ARID4B: variants seen among roughly 807,000 people sequenced by gnomAD.
ARID4B encodes the protein AT-rich interaction domain 4B, also known as AT-rich interactive domain-containing protein 4B.
Under a neutral mutation model 147.5 loss-of-function variants are expected in ARID4B, and 26 were observed. The ratio of observed to expected loss-of-function variants is 0.18; its 90% CI spans 0.13 to 0.24. The LOEUF (loss-of-function observed/expected upper bound fraction) is 0.24, where lower values mean the gene tolerates loss of function less well. ARID4B is among the 10% of genes least tolerant of loss of function. The probability of loss-of-function intolerance (pLI) is 1.00; values close to 1 mark genes in which losing one functional copy is unlikely to be tolerated. For missense variants in ARID4B, 1,179 were observed against 1,511.5 expected (o/e 0.78, Z 3.65); for synonymous variants, 512 against 507.9 (o/e 1.01, Z -0.11).
chr1:235,322,699 C>A (rs575699859), intron 2 of ARID4B, among the ~76,000 whole-genome samples: 3 of 152,246 alleles, frequency 2.0e-5, no homozygotes, highest in Admixed American at 2.0e-4. Flanking sequence ...CTGTGGGCTC[C>A]CTGAAAGCAG....
At chr1:235,322,879 TA>T (rs527926112) in intron 2 of ARID4B, among the ~76,000 whole-genome samples, 77 of 147,772 alleles carry the variant, frequency 5.2e-4, no homozygotes, top group Middle Eastern at 3.5e-3. Flanking sequence ...AAGGTAGAGG[TA>T]GGGGGAGAGA....
intron 2 of ARID4B, among the ~76,000 whole-genome samples, chr1:235,273,617 A>G (rs549327004): frequency 2.0e-5 from 3 of 152,384 alleles, no homozygotes; most frequent in African/African-American, 7.2e-5. Context: ...GTAGTCATAT[A>G]GTAGCTAAGA....
At chr1:235,200,202 C>T (rs1389717368) in intron 17 of ARID4B, among the ~76,000 whole-genome samples, 1 of 151,954 alleles carries the variant, frequency 6.6e-6, no homozygotes, top group Non-Finnish European at 1.5e-5. Flanking sequence ...TGCCTGTAAT[C>T]CCAGCACTTT....
At chr1:235,309,560 G>T (rs1358494292) in intron 2 of ARID4B, among the ~76,000 whole-genome samples, 1 of 148,012 alleles carries the variant, frequency 6.8e-6, no homozygotes, top group Non-Finnish European at 1.5e-5. Flanking sequence ...GGGGGGGTCA[G>T]CCCCCCGCCC....
chr1:235,304,659 T>C (rs1673419444), intron 2 of ARID4B, among the ~76,000 whole-genome samples: 1 of 152,214 alleles, frequency 6.6e-6, no homozygotes, highest in Non-Finnish European at 1.5e-5. Flanking sequence ...AAAGGCTGAA[T>C]TCTAAAACAA....
At chr1:235,288,864 C>G (rs1358700349) in intron 2 of ARID4B, among the ~76,000 whole-genome samples, 1 of 152,194 alleles carries the variant, frequency 6.6e-6, no homozygotes, top group Non-Finnish European at 1.5e-5. Flanking sequence ...CTCTTAGTTA[C>G]AGTTAAGTGT....
chr1:235,232,281 G>A (rs1668286071), intron 9 of ARID4B, among the ~76,000 whole-genome samples: 2 of 151,872 alleles, frequency 1.3e-5, no homozygotes, highest in African/African-American at 2.4e-5. Context: ...TTAGCTGGGT[G>A]TGGTGGTGCA....
intron 17 of ARID4B, among the ~76,000 whole-genome samples, chr1:235,208,503 T>TA (rs1428308265): frequency 2.0e-5 from 3 of 151,070 alleles, no homozygotes; most frequent in Non-Finnish European, 2.9e-5. Flanking sequence ...TTATTATTAT[T>TA]TTTTTTCTAT....
intron 3 of ARID4B, among the ~76,000 whole-genome samples, 187 bp from the exon 4 acceptor site, chr1:235,257,412 T>C (rs1003760827): frequency 6.6e-6 from 1 of 152,120 alleles, no homozygotes; most frequent in African/African-American, 2.4e-5. Context: ...CGTATCTGTT[T>C]TCAAAAATAA....
intron 17 of ARID4B, among the ~76,000 whole-genome samples, chr1:235,198,071 C>T (rs937097574): frequency 6.6e-6 from 1 of 152,182 alleles, no homozygotes; most frequent in Non-Finnish European, 1.5e-5. Flanking sequence ...AAGATATCAA[C>T]TTTGTTTTTA....
At chr1:235,219,670 C>T (rs1028466344) in intron 16 of ARID4B, 123 bp downstream of exon 16, 8 of 730,328 alleles carry the variant, frequency 1.1e-5, no homozygotes, top group African/African-American at 9.4e-5. Flanking sequence ...TTAATAAATG[C>T]CAATCACTCT....
At chr1:235,265,386 A>G (rs1449568872) in intron 2 of ARID4B, among the ~76,000 whole-genome samples, 7 of 151,774 alleles carry the variant, frequency 4.6e-5, no homozygotes, top group South Asian at 2.1e-4. Context: ...AAAAGTCAGT[A>G]TAATACAGTA....
intron 19 of ARID4B, among the ~76,000 whole-genome samples, chr1:235,189,501 T>C (rs745640326): frequency 4.1e-5 from 5 of 122,348 alleles, no homozygotes; most frequent in Non-Finnish European, 9.0e-5. Flanking sequence ...TTCAAAGAAA[T>C]AAAAAGACAA....
At chr1:235,298,207 A>G (rs1418689910) in intron 2 of ARID4B, among the ~76,000 whole-genome samples, 1 of 152,154 alleles carries the variant, frequency 6.6e-6, no homozygotes, top group African/African-American at 2.4e-5. Context: ...CAAGATGGCA[A>G]AATATTGGCA....
intron 19 of ARID4B, chr1:235,189,890 G>A (rs999366894): frequency 1.3e-5 from 2 of 153,592 alleles, no homozygotes; most frequent in Non-Finnish European, 2.9e-5. Flanking sequence ...TAGTAACAAT[G>A]AACAAAAATT....
chr1:235,233,313 C>A lies in ARID4B; in HGVS notation c.665+1100G>T, dbSNP rs1054305147. On this transcript the variant is annotated intron_variant, in intron 9 of 23. Transcript: ENST00000264183. ...AAATACAAAAATAGCCAGGTGTAGT[C>A]CCAGCTACTCAAGAGAAATTGAGGT... Among the ~76,000 whole-genome samples the A allele has an allele frequency of 1.3e-3, 194 of 151,810 alleles. 1 individual carries two copies. The highest frequency in any genetic ancestry group is 4.6e-3 in the African/African-American group (190 of 41,414).
At chr1:235,217,940 T>TATAC (rs1350476728) in intron 16 of ARID4B, among the ~76,000 whole-genome samples, 1 of 152,204 alleles carries the variant, frequency 6.6e-6, no homozygotes, top group African/African-American at 2.4e-5. Context: ...TGTTTTTTCC[T>TATAC]ATACATACAT....
At chr1:235,279,286 T>C (rs1226142171) in intron 2 of ARID4B, among the ~76,000 whole-genome samples, 2 of 152,052 alleles carry the variant, frequency 1.3e-5, no homozygotes, top group Non-Finnish European at 2.9e-5. Flanking sequence ...ATAGATATGC[T>C]CAGAAACTAA....
chr1:235,240,272 T>C (rs770916858), intron 8 of ARID4B, 41 bp downstream of exon 8: 8 of 1,542,624 alleles, frequency 5.2e-6, no homozygotes, highest in Middle Eastern at 3.4e-4. Flanking sequence ...CATAAACTTA[T>C]AAAGTTTGAA....
Sources: allele counts gnomAD v4.1 joint callset (sites outside exome capture counted in the v4.1 genomes callset), GRCh38; gene constraint gnomAD v4.1.1; transcripts MANE v1.5; gene names NCBI Gene and HGNC (gene_info 2026-07-23, HGNC 2026-07-21).